Variants in OTOG observed in about 807,000 individuals in gnomAD.
OTOG encodes otogelin.
Under a neutral mutation model 313.8 loss-of-function variants are expected in OTOG, and 296 were observed. The observed-to-expected ratio is 0.94, with a 90% CI of 0.86 to 1.04. The LOEUF (loss-of-function observed/expected upper bound fraction) is 1.04. Among genes scored for constraint, OTOG ranks in the 50% least tolerant of loss-of-function variants. The pLI, the probability that OTOG is intolerant of heterozygous loss-of-function variation, is 0.00. For missense variants in OTOG, 3,948 were observed against 3,840.1 expected, an observed-to-expected ratio of 1.03 and a Z score of -0.74; for synonymous variants, 1,533 against 1,554.9, an observed-to-expected ratio of 0.99 and a Z score of 0.33.
At chr11:17,632,258 G>T (rs1854150111) in intron 42 of OTOG, 32 bp downstream of exon 42, 6 of 1,539,814 alleles carry the variant, frequency 3.9e-6, no homozygotes, top group Non-Finnish European at 5.3e-6. Context: ...ACCCTCCATT[G>T]TGACTATTGT....
intron 24 of OTOG, among the ~76,000 whole-genome samples, chr11:17,589,768 T>A (rs1176287438): frequency 2.0e-5 from 3 of 152,200 alleles, no homozygotes; most frequent in Non-Finnish European, 4.4e-5. Context: ...ATTTTCCCCA[T>A]CATTCCTTCG....
At chr11:17,599,607 G>A in intron 30 of OTOG, 64 bp from the exon 31 acceptor site, 1 of 1,528,984 alleles carries the variant, frequency 6.5e-7, no homozygotes, top group Non-Finnish European at 8.9e-7. Flanking sequence ...GGGAGCCTTG[G>A]CTCTGTCTGT....
At position 17,611,121 on chromosome 11, in the gene OTOG, CCT is replaced by C; in HGVS notation, c.5825_5826del (p.Leu1942HisfsTer6). ...PTELTPATSH[P>X]LTPLVAEPEG... ...AGAGCTCACGCCTGCTACGAGCCAC[CCT>C]CTCACGCCCTTGGTGGCTGAGCCCG... On this transcript the variant is annotated frameshift_variant, in exon 36 of 56. Transcript: ENST00000399397. LOFTEE classifies it high-confidence loss of function. The C allele has an allele frequency of 6.4e-7, 1 of 1,550,544 alleles. No homozygotes were observed. The highest frequency in any genetic ancestry group is 8.7e-7 in the Non-Finnish European group (1 of 1,146,948).
intron 15 of OTOG, among the ~76,000 whole-genome samples, chr11:17,564,921 A>G (rs775132721): frequency 1.3e-5 from 2 of 152,208 alleles, no homozygotes; most frequent in Non-Finnish European, 2.9e-5. Flanking sequence ...GAATCTGTGT[A>G]GTGTTTGCAG....
At chr11:17,629,519 C>A (rs533847434) in intron 40 of OTOG, among the ~76,000 whole-genome samples, 20 of 152,336 alleles carry the variant, frequency 1.3e-4, no homozygotes, top group African/African-American at 4.8e-4. Flanking sequence ...GGGCTCTGGA[C>A]TCAGCCAGTT....
intron 39 of OTOG, among the ~76,000 whole-genome samples, chr11:17,619,851 T>C (rs1040063646): frequency 3.3e-5 from 5 of 152,254 alleles, no homozygotes; most frequent in African/African-American, 1.2e-4. Context: ...TTTTTATTCC[T>C]TTGTGTAAAT....
intron 38 of OTOG, among the ~76,000 whole-genome samples, chr11:17,613,318 TCTGCC>T (rs1165943779): frequency 4.0e-5 from 6 of 148,300 alleles, no homozygotes; most frequent in African/African-American, 1.5e-4. Context: ...TCCCTCCCTC[TCTGCC>T]CTGCCCTTCC....
intron 39 of OTOG, among the ~76,000 whole-genome samples, chr11:17,627,996 T>C (rs1277761622): frequency 6.6e-6 from 1 of 152,100 alleles, no homozygotes; most frequent in Non-Finnish European, 1.5e-5. Context: ...GTTTGTCAAT[T>C]TTGTTTATCT....
At chr11:17,558,047 G>T (rs1317410401) in intron 8 of OTOG, 138 bp from the exon 9 acceptor site, 9 of 1,102,788 alleles carry the variant, frequency 8.2e-6, no homozygotes, top group Non-Finnish European at 1.1e-5. Flanking sequence ...AACCCTGATT[G>T]GGATGGGAGC....
rs1305194294 is a variant in OTOG at position 17,611,404 on chromosome 11, A to G, written c.6104A>G (p.Asn2035Ser). ...GCTTTGGCAACTACCACTGAGGCCA[A>G]TACATCCACCACCTGTGTTGTGAGT... ...AEALATTTEANTSTTCVPIAE... is the reference protein window; with the variant it reads ...AEALATTTEASTSTTCVPIAE... The change falls in exon 36 of 56, where the codon AAT becomes AGT. Residue 2035 changes from asparagine (N) to serine (S), a missense_variant. Asn to Ser is a conservative substitution (Grantham distance 46). Coordinates refer to ENST00000399397, the MANE Select transcript of OTOG (RefSeq NM_001292063.2). The G allele has an allele frequency of 1.3e-6, 2 of 1,531,580 alleles. No individual in the cohort carries two copies. Among genetic ancestry groups the G allele is most frequent in the East Asian group, 2.5e-5 (1 of 40,588 alleles). 94.9% of individuals were successfully genotyped at this position (1,531,580 alleles called of 1,614,324 possible).
intron 36 of OTOG, among the ~76,000 whole-genome samples, chr11:17,611,758 T>C (rs1328617377): frequency 6.6e-6 from 1 of 152,188 alleles, no homozygotes; most frequent in African/African-American, 2.4e-5. Flanking sequence ...CTCTTGTGTG[T>C]GTGAGGAATG....
chr11:17,553,364 G>A lies in OTOG; in HGVS notation c.386-1G>A, dbSNP rs1433528362. On this transcript the variant is annotated splice_acceptor_variant, in intron 5 of 55. Transcript: ENST00000399397. LOFTEE classifies it high-confidence loss of function. Reference sequence around the variant, plus strand: ...GAGAGGTTCTCTTTTCTCTCCCTCAGTGTACAATGCCGGCCCTGAGAGGGA... The same window carrying A: ...GAGAGGTTCTCTTTTCTCTCCCTCAATGTACAATGCCGGCCCTGAGAGGGA... 6.8e-7 allele frequency: 1 copy of A among 1,467,728 alleles called. No individual in the cohort carries two copies. Among genetic ancestry groups the A allele is most frequent in the African/African-American group, 1.4e-5 (1 of 70,532 alleles). The allele number at this position is 1,467,728 out of a possible 1,614,324, so 90.9% of individuals were successfully genotyped here.
At chr11:17,620,486 C>T (rs1043033174) in intron 39 of OTOG, among the ~76,000 whole-genome samples, 4 of 152,114 alleles carry the variant, frequency 2.6e-5, no homozygotes, top group Non-Finnish European at 5.9e-5. Context: ...TTTATCCATT[C>T]ATTATTGATG....
chr11:17,640,862 C>A (rs1847954966), intron 50 of OTOG, 42 bp downstream of exon 50: 1 of 1,549,758 alleles, frequency 6.5e-7, no homozygotes, highest in African/African-American at 1.4e-5. Flanking sequence ...GCAGGAGGGG[C>A]ATGGGTGCCT....
chr11:17,606,220 A>T (rs1381081042), intron 33 of OTOG, 85 bp downstream of exon 33: 1 of 1,415,754 alleles, frequency 7.1e-7, no homozygotes, highest in Non-Finnish European at 9.3e-7. Context: ...TCACCCTTCC[A>T]ATTACCCCTA....
chr11:17,633,918 C>T (rs1197523281), intron 43 of OTOG, 44 bp downstream of exon 43: 17 of 1,494,676 alleles, frequency 1.1e-5, no homozygotes, highest in African/African-American at 2.8e-5. Context: ...CAAAGCCAGC[C>T]TCAGCCTCGC....
At chr11:17,565,838 A>G (rs1302999064) in intron 15 of OTOG, among the ~76,000 whole-genome samples, 1 of 151,688 alleles carries the variant, frequency 6.6e-6, no homozygotes, top group Non-Finnish European at 1.5e-5. Context: ...GTGGGGCTTG[A>G]GTGTGTGTGT....
At chr11:17,621,395 C>G (rs1187560333) in intron 39 of OTOG, among the ~76,000 whole-genome samples, 1 of 152,046 alleles carries the variant, frequency 6.6e-6, no homozygotes, top group Non-Finnish European at 1.5e-5. Context: ...CATACCCTAC[C>G]CTATACTCTA....
In OTOG at chr11:17,559,306, A is replaced by C. The variant is rs1365632134; in HGVS notation, c.1213+145A>C. 6 of 929,178 alleles carry C rather than the reference A, an allele frequency of 6.5e-6. No individual in the cohort carries two copies. The African/African-American group carries it at 1.0e-4, about 16-fold the overall frequency. 57.6% of individuals were successfully genotyped at this position (929,178 alleles called of 1,614,324 possible). On this transcript the variant is annotated intron_variant, in intron 11 of 55. Coordinates refer to ENST00000399397, the MANE Select transcript of OTOG (RefSeq NM_001292063.2). ...TTTTATCGCCATGAGAAAGACGAAAAAACTGAGGCTCAGAGTGGGAGGAGC... is the reference window on the plus strand; with the variant it reads ...TTTTATCGCCATGAGAAAGACGAAACAACTGAGGCTCAGAGTGGGAGGAGC...
Sources: gnomAD v4.1 joint callset for allele counts (sites outside exome capture counted in the v4.1 genomes callset) on GRCh38, gnomAD v4.1.1 for gene constraint, MANE v1.5 for transcripts, NCBI Gene and HGNC (gene_info 2026-07-23, HGNC 2026-07-21) for gene names.